PTPRD: variants seen among roughly 807,000 people sequenced by gnomAD.
PTPRD encodes protein tyrosine phosphatase receptor type D, also known as receptor-type tyrosine-protein phosphatase delta.
A neutral mutation model predicts 214.5 loss-of-function variants in PTPRD; 34 were observed. The observed-to-expected ratio is 0.16, with a 90% CI of 0.12 to 0.21. The LOEUF (loss-of-function observed/expected upper bound fraction) is 0.21, where lower values mean the gene tolerates loss of function less well. Among genes scored for constraint, PTPRD ranks in the 10% least tolerant of loss-of-function variants. PTPRD has a pLI of 1.00. For missense variants in PTPRD, 2,545 were observed against 2,398.7 expected (o/e 1.06, Z -1.27); for synonymous variants, 1,128 against 845.7 (o/e 1.33, Z -5.79).
At chr9:10,312,278 C>T (rs1052964352) in intron 3 of PTPRD, among the ~76,000 whole-genome samples, 4 of 152,020 alleles carry the variant, frequency 2.6e-5, no homozygotes, top group African/African-American at 7.2e-5. Flanking sequence ...GGGCTATCCA[C>T]TCTTCCTCAT....
intron 5 of PTPRD, among the ~76,000 whole-genome samples, chr9:9,923,122 G>GT (rs34077612): frequency 0.48 from 70,666 of 145,786 alleles, 19,719 homozygotes; most frequent in East Asian, 0.89. Flanking sequence ...TGTGTGTGGG[G>GT]GGTGTGTGTG....
chr9:9,656,013 A>C (rs2096503472), intron 7 of PTPRD, among the ~76,000 whole-genome samples: 1 of 152,228 alleles, frequency 6.6e-6, no homozygotes, highest in Non-Finnish European at 1.5e-5. Context: ...GAAGATAAGC[A>C]TATGAAAAGT....
At chr9:10,281,820 G>A (rs2095129263) in intron 3 of PTPRD, among the ~76,000 whole-genome samples, 1 of 152,070 alleles carries the variant, frequency 6.6e-6, no homozygotes, top group African/African-American at 2.4e-5. Context: ...GACTCGAAAG[G>A]TTTTTTAAGT....
At chr9:10,034,158 G>T (rs2097133760) in intron 3 of PTPRD, among the ~76,000 whole-genome samples, 1 of 151,798 alleles carries the variant, frequency 6.6e-6, no homozygotes, top group Non-Finnish European at 1.5e-5. Flanking sequence ...AAAAAATATT[G>T]CTCTGATATA....
intron 8 of PTPRD, among the ~76,000 whole-genome samples, chr9:9,413,100 C>CTTGTTTTTTTT (rs2075974025): frequency 1.6e-5 from 1 of 63,020 alleles, no homozygotes; most frequent in African/African-American, 6.8e-5. Flanking sequence ...CTTGCAGCTT[C>CTTGTTTTTTTT]TTTTTTTTTT....
chr9:9,190,642 A>G (rs571953026), intron 9 of PTPRD, among the ~76,000 whole-genome samples: 1 of 152,170 alleles, frequency 6.6e-6, no homozygotes, highest in South Asian at 2.1e-4. Flanking sequence ...GAGGACACTA[A>G]TACCTTGACA....
intron 11 of PTPRD, among the ~76,000 whole-genome samples, chr9:8,869,091 T>C (rs1449236931): frequency 2.6e-5 from 4 of 152,110 alleles, no homozygotes; most frequent in African/African-American, 9.7e-5. Context: ...AAAGAAAGAA[T>C]TGGAAAGATT....
chr9:8,316,232 C>T lies in PTPRD; in HGVS notation c.*1642G>A, dbSNP rs917893741. 6 of 229,520 alleles carry T rather than the reference C, an allele frequency of 2.6e-5. No individual in the cohort carries two copies. The highest frequency in any genetic ancestry group is 1.1e-4 in the African/African-American group (5 of 45,066). The allele number at this position is 229,520 out of a possible 1,614,324, so 14.2% of individuals were successfully genotyped here. On this transcript the variant is annotated 3_prime_UTR_variant, in exon 46 of 46. Transcript: ENST00000381196. ...GCATATTATTCAAAGAGTTTTTGTA[C>T]ATGTGGTAAACAGATAATGCTTTAA...
intron 45 of PTPRD, 70 bp from the exon 46 acceptor site, chr9:8,318,012 ATC>A: frequency 4.8e-6 from 7 of 1,457,332 alleles, no homozygotes; most frequent in Admixed American, 1.7e-5. Flanking sequence ...AAAAATAAAA[ATC>A]AATATTGCAT....
chr9:9,991,535 A>G (rs2095922802), intron 4 of PTPRD, among the ~76,000 whole-genome samples: 1 of 151,600 alleles, frequency 6.6e-6, no homozygotes, highest in East Asian at 1.9e-4. Flanking sequence ...CTAATTTTGT[A>G]TTTTTAGTAG....
chr9:9,682,822 C>G (rs902911200), intron 7 of PTPRD, among the ~76,000 whole-genome samples: 1 of 151,736 alleles, frequency 6.6e-6, no homozygotes, highest in African/African-American at 2.4e-5. Context: ...TACTGCCTAT[C>G]AGTACTACAG....
intron 7 of PTPRD, among the ~76,000 whole-genome samples, chr9:9,651,067 G>C (rs1224644783): frequency 6.6e-6 from 1 of 151,960 alleles, no homozygotes; most frequent in African/African-American, 2.4e-5. Flanking sequence ...ACTAAGAAAG[G>C]ATAAATAATA....
chr9:9,022,616 T>C (rs1016225682), intron 10 of PTPRD, among the ~76,000 whole-genome samples: 1 of 152,132 alleles, frequency 6.6e-6, no homozygotes, highest in African/African-American at 2.4e-5. Context: ...GTTTGCACCA[T>C]GACAAAATCG....
intron 8 of PTPRD, among the ~76,000 whole-genome samples, chr9:9,415,899 G>T (rs1000409460): frequency 6.6e-6 from 1 of 152,094 alleles, no homozygotes; most frequent in South Asian, 2.1e-4. Context: ...CTTTTCCAGG[G>T]AGGACAGAGC....
intron 9 of PTPRD, among the ~76,000 whole-genome samples, chr9:9,382,708 T>A (rs181976685): frequency 6.6e-6 from 1 of 152,196 alleles, no homozygotes; most frequent in East Asian, 1.9e-4. Flanking sequence ...TAGGTGGGAA[T>A]GTAAAACAGT....
intron 3 of PTPRD, among the ~76,000 whole-genome samples, chr9:10,197,411 G>T (rs1235380774): frequency 6.6e-6 from 1 of 152,048 alleles, no homozygotes; most frequent in South Asian, 2.1e-4. Context: ...TAATAGAATT[G>T]CTTTCCTTTC....
In PTPRD at chr9:10,447,419, C is replaced by T. The variant is rs183053412; in HGVS notation, c.-599-106402G>A. On this transcript the variant is annotated intron_variant, in intron 2 of 45. Transcript: ENST00000381196. ...TACTGTTAATATTCTCAGCTTTTCACATAACTATCTCTGAACACTCTGGCT... is the reference window on the plus strand; with the variant it reads ...TACTGTTAATATTCTCAGCTTTTCATATAACTATCTCTGAACACTCTGGCT... Among the ~76,000 whole-genome samples, 587 of 152,024 alleles carry T rather than the reference C, an allele frequency of 3.9e-3. 2 individuals are homozygous for T. Among genetic ancestry groups the T allele is most frequent in the Non-Finnish European group, 6.2e-3 (425 of 68,014 alleles).
intron 10 of PTPRD, among the ~76,000 whole-genome samples, chr9:9,124,857 T>C (rs1250793917): frequency 2.0e-5 from 3 of 152,204 alleles, no homozygotes; most frequent in African/African-American, 7.2e-5. Flanking sequence ...GTTAAAATTG[T>C]TGCAAAAGTT....
intron 8 of PTPRD, among the ~76,000 whole-genome samples, chr9:9,505,420 A>G (rs1057332754): frequency 6.6e-6 from 1 of 151,500 alleles, no homozygotes; most frequent in Non-Finnish European, 1.5e-5. Flanking sequence ...ATAGGATGTA[A>G]ATATTTAGAA....
Sources: allele counts gnomAD v4.1 joint callset (sites outside exome capture counted in the v4.1 genomes callset), GRCh38; gene constraint gnomAD v4.1.1; transcripts MANE v1.5; gene names NCBI Gene and HGNC (gene_info 2026-07-23, HGNC 2026-07-21).